Variants in GRM7 observed in about 807,000 individuals in gnomAD.
GRM7 encodes the protein glutamate metabotropic receptor 7.
In GRM7, 35 loss-of-function variants were observed where a neutral mutation model predicts 84.5. That is an observed-to-expected ratio of 0.41 (90% CI 0.32 to 0.55). The LOEUF is 0.55. GRM7 is among the 20% of genes least tolerant of loss of function. The pLI is 0.19. For missense variants in GRM7, 1,003 were observed against 1,194.6 expected (o/e 0.84, Z 2.36); for synonymous variants, 487 against 455.1 (o/e 1.07, Z -0.89).
chr3:7,003,003 A>G (rs1486267819), intron 1 of GRM7, among the ~76,000 whole-genome samples: 2 of 152,202 alleles, frequency 1.3e-5, no homozygotes, highest in East Asian at 1.9e-4. Context: ...GATGAATATC[A>G]TATGATGTCA....
chr3:7,036,139 C>T (rs1696377986), intron 1 of GRM7, among the ~76,000 whole-genome samples: 1 of 152,234 alleles, frequency 6.6e-6, no homozygotes, highest in South Asian at 2.1e-4. Context: ...ATTGTTCTTA[C>T]AGCCTACACT....
chr3:7,406,980 G>A (rs544008563), intron 4 of GRM7, among the ~76,000 whole-genome samples: 1 of 152,192 alleles, frequency 6.6e-6, no homozygotes, highest in Non-Finnish European at 1.5e-5. Flanking sequence ...CATTAATACA[G>A]CATAGTGTGG....
At chr3:7,446,461 T>G (rs368250043) in intron 5 of GRM7, among the ~76,000 whole-genome samples, 21 of 120,102 alleles carry the variant, frequency 1.7e-4, no homozygotes, top group South Asian at 1.0e-3. Context: ...TTTTTTTTTT[T>G]TTGTTTTTTT....
At chr3:7,534,079 A>C (rs1559385719) in intron 7 of GRM7, among the ~76,000 whole-genome samples, 1 of 149,446 alleles carries the variant, frequency 6.7e-6, no homozygotes, top group Non-Finnish European at 1.5e-5. Flanking sequence ...CAGTAGCACA[A>C]TCTTGGCTCA....
At chr3:7,520,286 G>GGAAAGGCAGGAAGATAAGA (rs1230721418) in intron 7 of GRM7, 11 of 152,232 alleles carry the variant, frequency 7.2e-5, no homozygotes, top group Middle Eastern at 3.4e-3. Flanking sequence ...GAGCCCTAAA[G>GGAAAGGCAGGAAGATAAGA]GAAAGGCAGG....
intron 7 of GRM7, among the ~76,000 whole-genome samples, chr3:7,542,605 T>C (rs1692939541): frequency 6.7e-6 from 1 of 150,300 alleles, no homozygotes. Flanking sequence ...TGGAGTGCAG[T>C]CACACAATCT....
chr3:7,610,347 C>A (rs1161189403), intron 8 of GRM7, among the ~76,000 whole-genome samples: 1 of 152,196 alleles, frequency 6.6e-6, no homozygotes, highest in Non-Finnish European at 1.5e-5. Context: ...GATGTGACAG[C>A]TCATTACCAG....
intron 2 of GRM7, among the ~76,000 whole-genome samples, chr3:7,254,295 G>T (rs185032658): frequency 3.3e-5 from 5 of 152,080 alleles, no homozygotes; most frequent in African/African-American, 1.2e-4. Flanking sequence ...ACTTTGCACT[G>T]GGTCCCACCA....
At chr3:7,628,546 C>T (rs1369652283) in intron 8 of GRM7, among the ~76,000 whole-genome samples, 1 of 152,154 alleles carries the variant, frequency 6.6e-6, no homozygotes, top group Non-Finnish European at 1.5e-5. Context: ...ATATTGCCAA[C>T]ATCATCACTT....
At chr3:7,585,658 C>T (rs1695485730) in intron 8 of GRM7, among the ~76,000 whole-genome samples, 2 of 152,128 alleles carry the variant, frequency 1.3e-5, no homozygotes, top group African/African-American at 2.4e-5. Context: ...GGAGAGCTCC[C>T]TGGAGCTCAC....
intron 9 of GRM7, chr3:7,693,602 G>T (rs1167500911): frequency 1.4e-6 from 2 of 1,408,260 alleles, no homozygotes; most frequent in East Asian, 2.5e-5. Context: ...CCAAAGTCCA[G>T]ACTGAGACTT....
intron 7 of GRM7, among the ~76,000 whole-genome samples, chr3:7,472,240 G>A (rs1047824604): frequency 6.6e-6 from 1 of 152,146 alleles, no homozygotes; most frequent in Non-Finnish European, 1.5e-5. Flanking sequence ...ACAATCATGA[G>A]CCAAATCTTT....
chr3:7,552,626 T>C (rs779702), intron 7 of GRM7, among the ~76,000 whole-genome samples: 107,490 of 152,140 alleles, frequency 0.71, 38,348 homozygotes, highest in African/African-American at 0.79. Flanking sequence ...AGGCCCAACA[T>C]CATGTGGAAG....
At chr3:7,236,657 T>C (rs1451405716) in intron 2 of GRM7, among the ~76,000 whole-genome samples, 1 of 152,090 alleles carries the variant, frequency 6.6e-6, no homozygotes, top group African/African-American at 2.4e-5. Context: ...GGCTAGCAGG[T>C]AGATAATAAG....
intron 1 of GRM7, among the ~76,000 whole-genome samples, chr3:6,945,168 C>T (rs1575047600): frequency 6.6e-6 from 1 of 152,032 alleles, no homozygotes; most frequent in Admixed American, 6.5e-5. Flanking sequence ...CCCATTAACT[C>T]GTCATTTAGC....
intron 1 of GRM7, among the ~76,000 whole-genome samples, chr3:7,008,761 C>G (rs1406173629): frequency 6.6e-6 from 1 of 152,156 alleles, no homozygotes. Flanking sequence ...ATAATCTCCT[C>G]TGTGGTTTTA....
intron 1 of GRM7, among the ~76,000 whole-genome samples, chr3:6,870,834 C>G (rs1260727400): frequency 1.3e-5 from 2 of 152,090 alleles, no homozygotes; most frequent in Non-Finnish European, 2.9e-5. Flanking sequence ...AGATTATTAT[C>G]ATCTGAAATT....
At chr3:7,700,799 C>T (rs538825549) in intron 9 of GRM7, among the ~76,000 whole-genome samples, 11 of 152,152 alleles carry the variant, frequency 7.2e-5, no homozygotes, top group Non-Finnish European at 1.3e-4. Flanking sequence ...AAGTATCTTG[C>T]GGCATTTTAA....
intron 1 of GRM7, among the ~76,000 whole-genome samples, chr3:6,994,549 T>G (rs1694765343): frequency 6.6e-6 from 1 of 152,180 alleles, no homozygotes; most frequent in African/African-American, 2.4e-5. Flanking sequence ...TCTCAATGCT[T>G]AAGGTAGAAA....
Sources: allele counts gnomAD v4.1 joint callset (sites outside exome capture counted in the v4.1 genomes callset), GRCh38; gene constraint gnomAD v4.1.1; transcripts MANE v1.5; gene names NCBI Gene and HGNC (gene_info 2026-07-23, HGNC 2026-07-21).